The following NFKB2 variants were observed in gnomAD, a reference collection of about 807,000 sequenced individuals.
The protein encoded by NFKB2 is nuclear factor kappa B subunit 2.
Under a neutral mutation model 109.3 loss-of-function variants are expected in NFKB2, and 21 were observed. The observed-to-expected ratio is 0.19, with a 90% CI of 0.14 to 0.28. The LOEUF is 0.28. Among genes scored for constraint, NFKB2 ranks in the 10% least tolerant of loss-of-function variants. NFKB2 has a pLI of 1.00. For synonymous variants in NFKB2, 478 were observed against 489.9 expected, an observed-to-expected ratio of 0.98 and a Z score of 0.32; for missense variants, 806 against 1,185.3, an observed-to-expected ratio of 0.68 and a Z score of 4.70.
rs1226118910 is a variant in NFKB2, at chr10:102,398,494, A to G, written c.962A>G (p.Lys321Arg). The G allele has an allele frequency of 3.1e-6, 5 of 1,614,126 alleles. No individual in the cohort carries two copies. Among genetic ancestry groups the G allele is most frequent in the South Asian group, 1.1e-5 (1 of 91,078 alleles). Residue 321 changes from lysine (K) to arginine (R), a missense_variant, in exon 11 of 23, where the codon AAA (lysine) becomes AGA (arginine). Coordinates refer to ENST00000661543, the MANE Select transcript of NFKB2 (RefSeq NM_001322934.2). This position sits in a 1 kb window ranked among gnomAD's most constrained non-coding sequence, Gnocchi z 6.6. ...CGAGGAGGGGACGTGTCTGATTCCA[A>G]ACAGTTCACCTATTACCCTCTGGTG... is the stretch of plus-strand genomic sequence containing the variant. Reference protein sequence around the residue: ...RKRGGDVSDSKQFTYYPLVED... With the variant: ...RKRGGDVSDSRQFTYYPLVED...
intron 14 of NFKB2, 24 bp downstream of exon 14, chr10:102,399,742 A>T: frequency 6.9e-7 from 1 of 1,446,516 alleles, no homozygotes; most frequent in Non-Finnish European, 9.1e-7. Flanking sequence ...GGCCTGGCGG[A>T]CGAGGCGCGG....
upstream of NFKB2, chr10:102,395,699 T>C (rs978285354): frequency 7.8e-4 from 452 of 576,740 alleles, 1 homozygote; most frequent in Non-Finnish European, 1.3e-4. Context: ...TTTCCTAAGC[T>C]GCTCTAACTT....
Position 102,400,613 on chromosome 10 carries a change from C to G in NFKB2, c.1799-42C>G. 1 of 1,609,100 alleles carries G rather than the reference C, an allele frequency of 6.2e-7. No homozygotes were observed. Among genetic ancestry groups the G allele is most frequent in the Admixed American group, 1.7e-5 (1 of 59,696 alleles). On this transcript the variant is annotated intron_variant, in intron 16 of 22. Coordinates refer to ENST00000661543, the MANE Select transcript of NFKB2 (RefSeq NM_001322934.2). The surrounding 1 kb of genome is among the most constrained non-coding windows in gnomAD (Gnocchi z 6.3). ...TGGTCAGGGCTGGTCCAGGGGCTGC[C>G]TTAAGGGTCACAGCTGCAGGTTGAG...
Position 102,401,735 on chromosome 10 carries a change from T to C in NFKB2, c.2294-10T>C. ...GGTAAATGACATGTCTGTATGTGTG[T>C]CCCCCTAAGGGCCGGGACTGTCACT... is the stretch of plus-strand genomic sequence containing the variant. On this transcript the variant is annotated splice_polypyrimidine_tract_variant and intron_variant, in intron 20 of 22. Coordinates refer to ENST00000661543, the MANE Select transcript of NFKB2 (RefSeq NM_001322934.2). The surrounding 1 kb of genome is among the most constrained non-coding windows in gnomAD (Gnocchi z 4.2). 1 of 1,588,704 alleles carries C rather than the reference T, an allele frequency of 6.3e-7. No homozygotes were observed. Among genetic ancestry groups the C allele is most frequent in the Non-Finnish European group, 8.6e-7 (1 of 1,165,680 alleles).
At chr10:102,394,893 C>G (rs1416626165), upstream of NFKB2, 1 of 152,410 alleles carries the variant, frequency 6.6e-6, no homozygotes, top group African/African-American at 2.4e-5. Context: ...CCACACCCTT[C>G]ACGCACAAAC....
rs1463956704 is a variant in NFKB2, at chr10:102,396,600, T to C, written c.144+111T>C. 7 of 1,576,286 alleles carry C rather than the reference T, an allele frequency of 4.4e-6. No individual in the cohort carries two copies. The South Asian group carries it at 6.7e-5, about 15-fold the overall frequency. ...ATTGCCGAAGGAGGCCACAGGGGAT[T>C]GGATGGTCACTGCTGCTGATCAGAG... On this transcript the variant is annotated intron_variant, in intron 4 of 22. Transcript: ENST00000661543. The surrounding 1 kb of genome is among the most constrained non-coding windows in gnomAD (Gnocchi z 5.9).
chr10:102,400,710 G>T lies in NFKB2; in HGVS notation c.1854G>T (p.Leu618=). ...VRARSPECLD[L]LVDSGAEVEA... Reference sequence around the variant, plus strand: ...CCCGAAGCCCTGAGTGCCTGGATCTGCTGGTGGACAGTGGGGCTGAAGTGG... The same window carrying T: ...CCCGAAGCCCTGAGTGCCTGGATCTTCTGGTGGACAGTGGGGCTGAAGTGG... Residue 618 remains leucine (L), a synonymous_variant, in exon 17 of 23, where the codon CTG becomes CTT. Coordinates refer to ENST00000661543, the MANE Select transcript of NFKB2 (RefSeq NM_001322934.2). This position sits in a 1 kb window ranked among gnomAD's most constrained non-coding sequence, Gnocchi z 6.3. 1.2e-6 allele frequency: 2 copies of T among 1,614,080 alleles called. No homozygotes were observed. Among genetic ancestry groups the T allele is most frequent in the Non-Finnish European group, 1.7e-6 (2 of 1,179,986 alleles).
rs1187222276 is a variant in NFKB2 at position 102,398,891 on chromosome 10, G to A, written c.1117+27G>A. Reference sequence around the variant, plus strand: ...TGAGGGGGTACTGATGGAGGGAGGGGTAAAGGTAAGAGAAGCTGTGGAGGA... The same window carrying A: ...TGAGGGGGTACTGATGGAGGGAGGGATAAAGGTAAGAGAAGCTGTGGAGGA... On this transcript the variant is annotated intron_variant, in intron 12 of 22. Transcript: ENST00000661543. This position sits in a 1 kb window ranked among gnomAD's most constrained non-coding sequence, Gnocchi z 6.6. The A allele has an allele frequency of 1.9e-6, 3 of 1,577,790 alleles. No homozygotes were observed. The highest frequency in any genetic ancestry group is 2.6e-6 in the Non-Finnish European group (3 of 1,163,966).
chr10:102,399,438 C>G lies in NFKB2; in HGVS notation c.1268C>G (p.Pro423Arg), dbSNP rs1479584792. The G allele has an allele frequency of 6.6e-7, 1 of 1,519,674 alleles. No homozygotes were observed. The highest frequency in any genetic ancestry group is 1.2e-5 in the South Asian group (1 of 81,436). The allele number at this position is 1,519,674 out of a possible 1,614,324, so 94.1% of individuals were successfully genotyped here. Reference protein sequence around the residue: ...SRDSGEEAAEPSAPSRTPQCE... With the variant: ...SRDSGEEAAERSAPSRTPQCE... Reference sequence around the variant, plus strand: ...GACTCCGGGGAGGAAGCCGCGGAGCCAAGCGCCCCCTCCAGGACCCCCCAG... The same window carrying G: ...GACTCCGGGGAGGAAGCCGCGGAGCGAAGCGCCCCCTCCAGGACCCCCCAG... Residue 423 changes from proline to arginine, a missense_variant, in exon 13 of 23, where the codon CCA (proline) becomes CGA (arginine). By Grantham distance (103) the Pro-to-Arg change is moderately radical. Transcript: ENST00000661543.
chr10:102,399,717 A>G lies in NFKB2; in HGVS notation c.1468A>G (p.Thr490Ala). 1 of 1,475,622 alleles carries G rather than the reference A, an allele frequency of 6.8e-7. No homozygotes were observed. Among genetic ancestry groups the G allele is most frequent in the African/African-American group, 1.4e-5 (1 of 71,112 alleles). The allele number at this position is 1,475,622 out of a possible 1,614,324, so 91.4% of individuals were successfully genotyped here. A position where few individuals can be genotyped will look rare whatever the true frequency, so the allele number is the denominator to read the frequency against. ...LLTAQDENGD[T>A]PLHLAIIHGQ... is the part of the protein sequence containing the mutation. ...GACGGCGCAGGACGAGAACGGAGAC[A>G]CGTAGGCAACAGAGGGCCTGGCGGA... The change falls in exon 14 of 23, where the codon ACA becomes GCA. Residue 490 changes from threonine (T) to alanine (A), a missense_variant and splice_region_variant. By Grantham distance (58) the Thr-to-Ala change is moderately conservative (BLOSUM62 0). Coordinates refer to ENST00000661543, the MANE Select transcript of NFKB2 (RefSeq NM_001322934.2).
At position 102,396,693 on chromosome 10, in the gene NFKB2, A is replaced by G. The variant is rs371721220; in HGVS notation, c.145-32A>G. The G allele has an allele frequency of 6.2e-7, 1 of 1,600,362 alleles. No homozygotes were observed. The highest frequency in any genetic ancestry group is 8.6e-7 in the Non-Finnish European group (1 of 1,168,428). On this transcript the variant is annotated intron_variant, in intron 4 of 22. Transcript: ENST00000661543. This position sits in a 1 kb window ranked among gnomAD's most constrained non-coding sequence, Gnocchi z 5.9. Reference sequence around the variant, plus strand: ...CTGCTGGCCTGGGTGGTCTTCCCTGATCACAATGCTACTATGCCCTTGGAC... The same window carrying G: ...CTGCTGGCCTGGGTGGTCTTCCCTGGTCACAATGCTACTATGCCCTTGGAC...
chr10:102,399,248 G>T, intron 12 of NFKB2, 40 bp from the exon 13 acceptor site: 3 of 1,511,864 alleles, frequency 2.0e-6, no homozygotes, highest in Non-Finnish European at 9.0e-7. Context: ...GGAGAGTCAT[G>T]GCTGGTGCCC....
chr10:102,396,051 C>G lies in NFKB2; in HGVS notation c.21+71C>G, dbSNP rs182969000. The G allele has an allele frequency of 1.9e-6, 3 of 1,593,512 alleles. No individual in the cohort carries two copies. Among genetic ancestry groups the G allele is most frequent in the East Asian group, 2.2e-5 (1 of 44,794 alleles). On this transcript the variant is annotated intron_variant, in intron 2 of 22. Coordinates refer to ENST00000661543, the MANE Select transcript of NFKB2 (RefSeq NM_001322934.2). This position sits in a 1 kb window ranked among gnomAD's most constrained non-coding sequence, Gnocchi z 5.9. ...TCTGTCCACCTGTCTGCCCGAGCCC[C>G]CTCTGCTGCCTTACACCTGTATGCT...
In NFKB2 at chr10:102,396,210, G is replaced by A. The variant is rs45526132; in HGVS notation, c.22-43G>A. ...GAGATGGGAGGTGGGGCTGTGGGGG[G>A]TGCTGAGAGTCGGATGCCACCCCCA... On this transcript the variant is annotated intron_variant, in intron 2 of 22. Coordinates refer to ENST00000661543, the MANE Select transcript of NFKB2 (RefSeq NM_001322934.2). The surrounding 1 kb of genome is among the most constrained non-coding windows in gnomAD (Gnocchi z 5.9). The A allele has an allele frequency of 4.4e-6, 7 of 1,575,694 alleles. No individual in the cohort carries two copies. The highest frequency in any genetic ancestry group is 4.5e-5 in the East Asian group (2 of 44,378).
chr10:102,396,085 C>T lies in NFKB2; in HGVS notation c.21+105C>T. On this transcript the variant is annotated intron_variant, in intron 2 of 22. Coordinates refer to ENST00000661543, the MANE Select transcript of NFKB2 (RefSeq NM_001322934.2). This position sits in a 1 kb window ranked among gnomAD's most constrained non-coding sequence, Gnocchi z 5.9. ...CCTTACACCTGTATGCTCGCAGATG[C>T]TCTCAGCCTGCCAGTCTGTCCATCT... 1 of 1,513,674 alleles carries T rather than the reference C, an allele frequency of 6.6e-7. No homozygotes were observed. The highest frequency in any genetic ancestry group is 1.1e-5 in the South Asian group (1 of 89,012). 93.8% of individuals were successfully genotyped at this position (1,513,674 alleles called of 1,614,324 possible).
In NFKB2 at chr10:102,400,810, C is replaced by A; in HGVS notation, c.1954C>A (p.His652Asn). 6.3e-7 allele frequency: 1 copy of A among 1,595,800 alleles called. No individual in the cohort carries two copies. Among genetic ancestry groups the A allele is most frequent in the South Asian group, 1.1e-5 (1 of 88,762 alleles). Reference sequence around the variant, plus strand: ...GATGGAGGAGCTGGGGTTGGTCACCCATCTGGTCACCAAGGTGGGACTGAG... The same window carrying A: ...GATGGAGGAGCTGGGGTTGGTCACCAATCTGGTCACCAAGGTGGGACTGAG... ...TEMEELGLVTHLVTKLRANVN... is the reference protein window; with the variant it reads ...TEMEELGLVTNLVTKLRANVN... The change falls in exon 17 of 23, where the codon CAT becomes AAT. Residue 652 changes from histidine to asparagine, a missense_variant. By Grantham distance (68) the His-to-Asn change is moderately conservative. Around this residue, in one of 10 missense-constraint regions of NFKB2, gnomAD observed 6 missense variants for 29.1 expected, o/e 0.21. Transcript: ENST00000661543. The surrounding 1 kb of genome is among the most constrained non-coding windows in gnomAD (Gnocchi z 6.3).
At chr10:102,399,001 T>A in intron 12 of NFKB2, 137 bp downstream of exon 12, 1 of 989,692 alleles carries the variant, frequency 1.0e-6, no homozygotes, top group Non-Finnish European at 1.5e-6. Context: ...TTACCTGAGA[T>A]CAGGAGTTCA....
rs1436406142 is a variant in NFKB2 at position 102,399,042 on chromosome 10, G to A, written c.1117+178G>A. The A allele has an allele frequency of 5.3e-6, 4 of 761,808 alleles. No homozygotes were observed. The African/African-American group carries it at 5.3e-5, about 10-fold the overall frequency. 47.2% of individuals were successfully genotyped at this position (761,808 alleles called of 1,614,324 possible). On this transcript the variant is annotated intron_variant, in intron 12 of 22. Coordinates refer to ENST00000661543, the MANE Select transcript of NFKB2 (RefSeq NM_001322934.2). ...AGCTTGGCCAACAGCGTGAAACCTC[G>A]TCTCTACTAAAAATACAAACATTAG...
In NFKB2 at chr10:102,395,799, C is replaced by G; in HGVS notation, c.-73+3C>G. On this transcript the variant is annotated splice_donor_region_variant and intron_variant, in intron 1 of 22. Transcript: ENST00000661543. Reference sequence around the variant, plus strand: ...ACCCGGACAGGCGGCTGGAGGAGGTCGGACCCTCCCCCAAATCTGGGCCCC... The same window carrying G: ...ACCCGGACAGGCGGCTGGAGGAGGTGGGACCCTCCCCCAAATCTGGGCCCC... 1.5e-6 allele frequency: 1 copy of G among 686,450 alleles called. No homozygotes were observed. The highest frequency in any genetic ancestry group is 2.5e-6 in the Non-Finnish European group (1 of 404,982). The allele number at this position is 686,450 out of a possible 1,614,324, so 42.5% of individuals were successfully genotyped here.
Sources: allele counts gnomAD v4.1 joint callset, GRCh38; gene constraint gnomAD v4.1.1; regional missense constraint gnomAD v4.1.1; non-coding constraint Gnocchi (gnomAD v3.1); transcripts MANE v1.5; gene names NCBI Gene and HGNC (gene_info 2026-07-23, HGNC 2026-07-21).